ANKRD54: variants seen among roughly 807,000 people sequenced by gnomAD.
ANKRD54 encodes the protein ankyrin repeat domain 54.
ANKRD54 carries 26 observed loss-of-function variants against 36.2 expected under a neutral mutation model. That is an observed-to-expected ratio of 0.72 (90% CI 0.53 to 1.00). The LOEUF (loss-of-function observed/expected upper bound fraction) is 1.00, where lower values mean the gene tolerates loss of function less well. ANKRD54 is among the 50% of genes least tolerant of loss of function. ANKRD54 has a pLI of 0.00. For synonymous variants in ANKRD54, 209 were observed against 188.4 expected, an observed-to-expected ratio of 1.11 and a Z score of -0.89; for missense variants, 384 against 424.3, an observed-to-expected ratio of 0.91 and a Z score of 0.83.
intron 1 of ANKRD54, among the ~76,000 whole-genome samples, chr22:37,840,905 C>A (rs1190837084): frequency 1.3e-5 from 2 of 151,546 alleles, no homozygotes; most frequent in African/African-American, 4.8e-5. Flanking sequence ...ACAAAAACAA[C>A]AAAAACCAAC....
chr22:37,843,337 C>A (rs767259064), intron 1 of ANKRD54, among the ~76,000 whole-genome samples: 1 of 152,102 alleles, frequency 6.6e-6, no homozygotes, highest in Non-Finnish European at 1.5e-5. Flanking sequence ...GCAGGAGAAT[C>A]GCTTGAACCC....
In ANKRD54 at chr22:37,831,725, GC is replaced by G; in HGVS notation, c.*217del. ...CTGCGAGAACTGGAAGAAGCTGGGAGCTGTGGTCCCTGTCCACAGAGATGCT... is the reference window on the plus strand; with the variant it reads ...CTGCGAGAACTGGAAGAAGCTGGGAGTGTGGTCCCTGTCCACAGAGATGCT... On this transcript the variant is annotated 3_prime_UTR_variant, in exon 8 of 8. Coordinates refer to ENST00000215941, the MANE Select transcript of ANKRD54 (RefSeq NM_138797.4). The G allele has an allele frequency of 1.7e-6, 1 of 576,952 alleles. No homozygotes were observed. The allele number at this position is 576,952 out of a possible 1,614,324, so 35.7% of individuals were successfully genotyped here.
At chr22:37,836,147 A>T (rs900312511) in intron 3 of ANKRD54, among the ~76,000 whole-genome samples, 8 of 148,648 alleles carry the variant, frequency 5.4e-5, no homozygotes, top group African/African-American at 2.0e-4. Flanking sequence ...ACTTGTTTTT[A>T]AAAAAATGGA....
Position 37,844,060 on chromosome 22 carries a change from C to T in ANKRD54, c.179G>A (p.Gly60Glu), listed in dbSNP as rs1924633550. The stretch of plus-strand genomic sequence containing the variant: ...CAAGTAGCGCAGCGGCGACTGGGCC[C>T]CGCCGGACGCCCGGCCCGAGAGGCC... ...GAGLSGRASG[G>E]AQSPLRYLHV... Residue 60 changes from glycine to glutamate, a missense_variant, in exon 1 of 8, where the codon GGG becomes GAG. Around this residue, in one of 3 missense-constraint regions of ANKRD54, gnomAD observed 195 missense variants for 177.7 expected, o/e 1.10. Transcript: ENST00000215941. 2 of 1,434,812 alleles carry T rather than the reference C, an allele frequency of 1.4e-6. No individual in the cohort carries two copies. Among genetic ancestry groups the T allele is most frequent in the Non-Finnish European group, 1.8e-6 (2 of 1,102,168 alleles). 88.9% of individuals were successfully genotyped at this position (1,434,812 alleles called of 1,614,324 possible). A position where few individuals can be genotyped will look rare whatever the true frequency, so the allele number is the denominator to read the frequency against.
At chr22:37,842,185 G>A (rs1053145719) in intron 1 of ANKRD54, among the ~76,000 whole-genome samples, 1 of 152,200 alleles carries the variant, frequency 6.6e-6, no homozygotes, top group African/African-American at 2.4e-5. Context: ...CTACTTGGGA[G>A]GCTGAGGCAG....
chr22:37,833,782 T>C (rs1329278395), intron 3 of ANKRD54, 27 bp from the exon 4 acceptor site: 4 of 1,610,106 alleles, frequency 2.5e-6, no homozygotes, highest in African/African-American at 2.7e-5. Context: ...CCAAGAGGAG[T>C]TGTCGGAGGC....
chr22:37,847,960 G>A (rs1336187744), upstream of ANKRD54, among the ~76,000 whole-genome samples: 1 of 152,148 alleles, frequency 6.6e-6, no homozygotes, highest in East Asian at 1.9e-4. Context: ...GAAGGGAATG[G>A]GAGTGGGGGT....
chr22:37,844,474 G>C (rs549550041), upstream of ANKRD54: 4 of 439,548 alleles, frequency 9.1e-6, no homozygotes, highest in Non-Finnish European at 1.6e-5. Flanking sequence ...GTACAAGCAG[G>C]ATAATTGGAC....
chr22:37,836,275 G>C lies in ANKRD54; in HGVS notation c.475+2225C>G, dbSNP rs567117400. 3.8e-3 allele frequency among the ~76,000 whole-genome samples: 564 copies of C among 149,474 alleles called. 1 individual carries two copies. Among genetic ancestry groups the C allele is most frequent in the African/African-American group, 0.013 (536 of 41,104 alleles). On this transcript the variant is annotated intron_variant, in intron 3 of 7. Coordinates refer to ENST00000215941, the MANE Select transcript of ANKRD54 (RefSeq NM_138797.4). ...CAGCCTGACCAACATGGAGAAACCCGGTCTCCACTAAAAATACAAAATTAG... is the reference window on the plus strand; with the variant it reads ...CAGCCTGACCAACATGGAGAAACCCCGTCTCCACTAAAAATACAAAATTAG...
chr22:37,836,923 G>A (rs1923622657), intron 3 of ANKRD54, among the ~76,000 whole-genome samples: 1 of 151,644 alleles, frequency 6.6e-6, no homozygotes, highest in African/African-American at 2.4e-5. Flanking sequence ...CAGCTACCCG[G>A]GAGGCTGAAG....
chr22:37,833,927 G>A, intron 3 of ANKRD54, 172 bp from the exon 4 acceptor site: 3 of 631,638 alleles, frequency 4.7e-6, no homozygotes, highest in Non-Finnish European at 8.4e-6. Context: ...CAGAGTTCAT[G>A]GGCAAAGCCC....
chr22:37,842,845 C>G (rs1924446616), intron 1 of ANKRD54, among the ~76,000 whole-genome samples: 1 of 152,190 alleles, frequency 6.6e-6, no homozygotes, highest in Non-Finnish European at 1.5e-5. Context: ...CCATGTCACC[C>G]ATGCATTGTA....
intron 1 of ANKRD54, among the ~76,000 whole-genome samples, chr22:37,841,552 ACACAC>A (rs1924250192): frequency 2.7e-5 from 4 of 147,610 alleles, no homozygotes; most frequent in African/African-American, 7.7e-5. Flanking sequence ...ACACACACAC[ACACAC>A]AAAAAACATA....
intron 7 of ANKRD54, 79 bp downstream of exon 7, chr22:37,832,558 T>G: frequency 7.6e-7 from 1 of 1,320,048 alleles, no homozygotes; most frequent in Non-Finnish European, 1.1e-6. Flanking sequence ...GATACGAGTG[T>G]CTGGTGGCAT....
At chr22:37,845,045 T>A (rs970614321), upstream of ANKRD54, among the ~76,000 whole-genome samples, 1 of 149,226 alleles carries the variant, frequency 6.7e-6, no homozygotes. Context: ...AAAAAGAACT[T>A]CCCACAAATG....
At chr22:37,839,337 T>C (rs1923934844) in intron 2 of ANKRD54, among the ~76,000 whole-genome samples, 2 of 152,196 alleles carry the variant, frequency 1.3e-5, no homozygotes, top group South Asian at 4.1e-4. Flanking sequence ...ACATGGATTT[T>C]TTCTTATATA....
At chr22:37,842,279 C>G (rs1338024135) in intron 1 of ANKRD54, among the ~76,000 whole-genome samples, 3 of 152,098 alleles carry the variant, frequency 2.0e-5, no homozygotes, top group African/African-American at 7.2e-5. Context: ...AAGACAGTGC[C>G]CTGGGAACAA....
intron 1 of ANKRD54, among the ~76,000 whole-genome samples, chr22:37,840,960 T>C (rs1355671121): frequency 1.3e-5 from 2 of 151,702 alleles, no homozygotes; most frequent in African/African-American, 4.8e-5. Context: ...TGTGCACGTG[T>C]AACACCAGCT....
At chr22:37,836,989 A>G (rs1923630606) in intron 3 of ANKRD54, among the ~76,000 whole-genome samples, 1 of 149,556 alleles carries the variant, frequency 6.7e-6, no homozygotes, top group African/African-American at 2.5e-5. Flanking sequence ...AGATCACGCC[A>G]TTGCACTCCA....
Sources: allele counts gnomAD v4.1 joint callset (sites outside exome capture counted in the v4.1 genomes callset), GRCh38; gene constraint gnomAD v4.1.1; regional missense constraint gnomAD v4.1.1; transcripts MANE v1.5; gene names NCBI Gene and HGNC (gene_info 2026-07-23, HGNC 2026-07-21).